GRAMD2B: variants seen among roughly 807,000 people sequenced by gnomAD.
The protein encoded by GRAMD2B is GRAM domain-containing protein 2B.
Under a neutral mutation model 59.2 loss-of-function variants are expected in GRAMD2B, and 41 were observed. The observed-to-expected ratio is 0.69, with a 90% confidence interval of 0.54 to 0.90. GRAMD2B has a LOEUF of 0.90. Ranked by LOEUF, GRAMD2B falls within the 40% of genes least tolerant of loss-of-function variation. The pLI, the probability that GRAMD2B is intolerant of heterozygous loss-of-function variation, is 0.00. For synonymous variants in GRAMD2B, 161 were observed against 182.7 expected, an observed-to-expected ratio of 0.88 and a Z score of 0.96; for missense variants, 424 against 500.5, an observed-to-expected ratio of 0.85 and a Z score of 1.46.
chr5:126,472,066 GC>G (rs1769691993), intron 3 of GRAMD2B, among the ~76,000 whole-genome samples, 171 bp from the exon 4 acceptor site: 1 of 152,194 alleles, frequency 6.6e-6, no homozygotes, highest in Non-Finnish European at 1.5e-5. Context: ...GAAACTGTGT[GC>G]CCAGACTTTC....
intron 1 of GRAMD2B, among the ~76,000 whole-genome samples, chr5:126,387,711 T>C (rs1439973205): frequency 6.6e-6 from 1 of 152,064 alleles, no homozygotes. Flanking sequence ...GAGAACAAAT[T>C]GTAAACAGAA....
intron 1 of GRAMD2B, among the ~76,000 whole-genome samples, chr5:126,408,996 A>G (rs1758516786): frequency 6.6e-6 from 1 of 151,540 alleles, no homozygotes; most frequent in South Asian, 2.1e-4. Flanking sequence ...AATTTCATCC[A>G]TGTCCCTACA....
At chr5:126,409,190 TGG>T (rs1313952553) in intron 1 of GRAMD2B, among the ~76,000 whole-genome samples, 1 of 152,194 alleles carries the variant, frequency 6.6e-6, no homozygotes, top group African/African-American at 2.4e-5. Context: ...TATAGTCCTT[TGG>T]GTATACACCC....
At chr5:126,388,246 G>A (rs534700393) in intron 1 of GRAMD2B, among the ~76,000 whole-genome samples, 1 of 152,150 alleles carries the variant, frequency 6.6e-6, no homozygotes, top group Non-Finnish European at 1.5e-5. Flanking sequence ...GGTGGCTCCT[G>A]CCTGTGGTCC....
chr5:126,400,853 T>A (rs1395852983), intron 1 of GRAMD2B, among the ~76,000 whole-genome samples: 1 of 152,150 alleles, frequency 6.6e-6, no homozygotes, highest in African/African-American at 2.4e-5. Flanking sequence ...GACAGGTAAC[T>A]TTTCTCTTGC....
chr5:126,456,781 C>T (rs2126719701), intron 1 of GRAMD2B, among the ~76,000 whole-genome samples: 1 of 152,292 alleles, frequency 6.6e-6, no homozygotes, highest in Non-Finnish European at 1.5e-5. Context: ...CACTTTGACT[C>T]CCCACTTTTT....
intron 1 of GRAMD2B, among the ~76,000 whole-genome samples, chr5:126,394,670 C>T (rs1043775283): frequency 3.3e-5 from 5 of 152,208 alleles, no homozygotes; most frequent in African/African-American, 7.2e-5. Context: ...GCTCTACACA[C>T]GTGAGTGAAA....
intron 1 of GRAMD2B, among the ~76,000 whole-genome samples, chr5:126,411,540 G>A (rs1580842522): frequency 6.6e-6 from 1 of 152,012 alleles, no homozygotes; most frequent in African/African-American, 2.4e-5. Flanking sequence ...GTGATTTGAT[G>A]TCTCCAGCTT....
At chr5:126,385,270 T>G (rs1156729189) in intron 1 of GRAMD2B, among the ~76,000 whole-genome samples, 1 of 152,206 alleles carries the variant, frequency 6.6e-6, no homozygotes, top group Non-Finnish European at 1.5e-5. Flanking sequence ...GATTTATTAA[T>G]AGATCTGAAT....
chr5:126,450,743 C>T (rs555865435), intron 1 of GRAMD2B, among the ~76,000 whole-genome samples: 14 of 151,738 alleles, frequency 9.2e-5, no homozygotes, highest in Non-Finnish European at 1.8e-4. Context: ...AGGTACAGCT[C>T]GGGCTGCCAC....
intron 1 of GRAMD2B, among the ~76,000 whole-genome samples, chr5:126,446,620 TAAA>T (rs34271639): frequency 0.2 from 26,430 of 135,162 alleles, 2,656 homozygotes; most frequent in Non-Finnish European, 0.25. Context: ...TTTTAAAAAT[TAAA>T]AAAAAAAAAA....
In GRAMD2B at chr5:126,493,613, ATAGT is replaced by A. The variant is rs1354293081; in HGVS notation, c.*660_*663del. On this transcript the variant is annotated 3_prime_UTR_variant, in exon 14 of 14. Transcript: ENST00000285689. ...ATGTTTTGTTTTGTTGCTGTAACTA[ATAGT>A]TAATTGGACTGATTCTTACCCAGCC... is the stretch of plus-strand genomic sequence containing the variant. 1.3e-5 allele frequency: 2 copies of A among 152,202 alleles called. No homozygotes were observed. Among genetic ancestry groups the A allele is most frequent in the Non-Finnish European group, 2.9e-5 (2 of 68,056 alleles). 9.4% of individuals were successfully genotyped at this position (152,202 alleles called of 1,614,324 possible).
intron 1 of GRAMD2B, among the ~76,000 whole-genome samples, chr5:126,365,671 G>A (rs1329792882): frequency 3.3e-5 from 5 of 151,378 alleles, no homozygotes; most frequent in South Asian, 2.1e-4. Flanking sequence ...GAGTATTTAC[G>A]CTGTGGAAAT....
intron 1 of GRAMD2B, among the ~76,000 whole-genome samples, chr5:126,396,784 C>A (rs1376369914): frequency 6.6e-6 from 1 of 152,200 alleles, no homozygotes; most frequent in Non-Finnish European, 1.5e-5. Context: ...CTAATTTACA[C>A]TACCACCAAC....
upstream of GRAMD2B, among the ~76,000 whole-genome samples, chr5:126,419,287 C>A (rs762649765): frequency 4.6e-5 from 7 of 151,920 alleles, no homozygotes; most frequent in Non-Finnish European, 8.8e-5. Context: ...GAAGCAAGCA[C>A]CATCTTCACA....
At chr5:126,486,737 T>C in intron 11 of GRAMD2B, 136 bp from the exon 12 acceptor site, 1 of 606,574 alleles carries the variant, frequency 1.6e-6, no homozygotes, top group Non-Finnish European at 3.0e-6. Flanking sequence ...TTAAAAAGGA[T>C]GTTTTTAAAA....
intron 1 of GRAMD2B, among the ~76,000 whole-genome samples, chr5:126,396,261 T>A (rs939720347): frequency 1.3e-5 from 2 of 152,188 alleles, no homozygotes; most frequent in Non-Finnish European, 2.9e-5. Flanking sequence ...TGTTGTACAA[T>A]TATGTTGTCA....
At chr5:126,481,252 GAAAAA>G (rs1431609820) in intron 8 of GRAMD2B, among the ~76,000 whole-genome samples, 1 of 126,118 alleles carries the variant, frequency 7.9e-6, no homozygotes, top group Non-Finnish European at 1.7e-5. Context: ...AGAAAGAAAA[GAAAAA>G]AAAAGAAAGC....
chr5:126,361,693 G>A (rs1754229585), intron 1 of GRAMD2B, among the ~76,000 whole-genome samples: 2 of 152,082 alleles, frequency 1.3e-5, no homozygotes, highest in South Asian at 4.1e-4. Flanking sequence ...TTCTCGTGAT[G>A]GCCCAGCCCA....
Sources: gnomAD v4.1 joint callset for allele counts (sites outside exome capture counted in the v4.1 genomes callset) on GRCh38, gnomAD v4.1.1 for gene constraint, MANE v1.5 for transcripts, NCBI Gene and HGNC (gene_info 2026-07-23, HGNC 2026-07-21) for gene names.